The following LEKR1 variants were observed in gnomAD, a reference collection of about 807,000 sequenced individuals.
LEKR1 encodes leucine, glutamate and lysine rich 1.
Under a neutral mutation model 72.4 loss-of-function variants are expected in LEKR1, and 59 were observed. That is an observed-to-expected ratio of 0.82 (90% confidence interval 0.66 to 1.01). The LOEUF is 1.01. Ranked by LOEUF, LEKR1 falls within the 50% of genes least tolerant of loss-of-function variation. LEKR1 has a pLI of 0.00. For missense variants in LEKR1, 728 were observed against 759.2 expected (o/e 0.96, Z 0.48); for synonymous variants, 257 against 263.2 (o/e 0.98, Z 0.23).
intron 6 of LEKR1, among the ~76,000 whole-genome samples, chr3:156,968,068 CA>C (rs1728798008): frequency 6.6e-6 from 1 of 152,200 alleles, no homozygotes; most frequent in South Asian, 2.1e-4. Flanking sequence ...TACAGACAAG[CA>C]AATGCTGAGA....
In LEKR1 at chr3:156,876,692, A is replaced by G. The variant is rs188563842; in HGVS notation, c.263+23710A>G. Among the ~76,000 whole-genome samples, 10 of 152,144 alleles carry G rather than the reference A, an allele frequency of 6.6e-5. No individual in the cohort carries two copies. In the East Asian group the frequency reaches 1.9e-3, roughly 29 times the overall value. ...ATTTTGTATCCTGAAACTTTACTGAACTCATTTATCAGATCCAGGAGCATT... is the reference window on the plus strand; with the variant it reads ...ATTTTGTATCCTGAAACTTTACTGAGCTCATTTATCAGATCCAGGAGCATT... On this transcript the variant is annotated intron_variant, in intron 3 of 12. Coordinates refer to ENST00000356539, the MANE Select transcript of LEKR1 (RefSeq NM_001004316.3).
At chr3:156,941,141 A>G (rs1560096896) in intron 5 of LEKR1, among the ~76,000 whole-genome samples, 1 of 151,652 alleles carries the variant, frequency 6.6e-6, no homozygotes, top group East Asian at 1.9e-4. Context: ...ATTTTGAGGA[A>G]AAAAAAATCC....
At chr3:156,862,225 T>G (rs142541365) in intron 3 of LEKR1, among the ~76,000 whole-genome samples, 16 of 152,222 alleles carry the variant, frequency 1.1e-4, no homozygotes, top group African/African-American at 3.9e-4. Context: ...AGGCATTCTT[T>G]TTCTCCCAAA....
At chr3:156,943,763 C>T (rs778737098) in intron 6 of LEKR1, among the ~76,000 whole-genome samples, 7 of 151,866 alleles carry the variant, frequency 4.6e-5, no homozygotes, top group African/African-American at 9.6e-5. Context: ...ATGATGGGAG[C>T]ATACCACAGA....
chr3:156,929,743 C>A (rs912014904), intron 5 of LEKR1, among the ~76,000 whole-genome samples: 1 of 152,142 alleles, frequency 6.6e-6, no homozygotes, highest in East Asian at 1.9e-4. Flanking sequence ...CTACAATTGT[C>A]AGCTTTCTAT....
At chr3:157,001,616 T>C (rs1732021190) in intron 9 of LEKR1, among the ~76,000 whole-genome samples, 1 of 152,188 alleles carries the variant, frequency 6.6e-6, no homozygotes, top group Non-Finnish European at 1.5e-5. Context: ...TTGTGGCAAC[T>C]CCAAAAATTT....
At chr3:156,965,244 T>C (rs992585249) in intron 6 of LEKR1, among the ~76,000 whole-genome samples, 4 of 152,108 alleles carry the variant, frequency 2.6e-5, no homozygotes, top group Non-Finnish European at 2.9e-5. Flanking sequence ...CAAACTAGAA[T>C]TTAAAAATTC....
chr3:156,879,897 G>C (rs902619078), intron 3 of LEKR1, among the ~76,000 whole-genome samples: 3 of 152,176 alleles, frequency 2.0e-5, no homozygotes, highest in African/African-American at 7.2e-5. Context: ...ATTGAGGTTT[G>C]GGAACCTCTG....
chr3:156,902,965 A>G (rs1020174025), intron 3 of LEKR1, among the ~76,000 whole-genome samples: 1 of 152,072 alleles, frequency 6.6e-6, no homozygotes, highest in African/African-American at 2.4e-5. Context: ...TTAATGACAA[A>G]TATTACATTG....
intron 5 of LEKR1, among the ~76,000 whole-genome samples, chr3:156,935,735 C>T (rs1158377195): frequency 2.0e-5 from 3 of 152,170 alleles, no homozygotes; most frequent in Admixed American, 6.6e-5. Context: ...CCACCAACCA[C>T]ATGGGGCTAT....
chr3:156,963,903 C>T (rs1728334846), intron 6 of LEKR1, among the ~76,000 whole-genome samples: 1 of 152,136 alleles, frequency 6.6e-6, no homozygotes, highest in South Asian at 2.1e-4. Context: ...ATGTATGCTT[C>T]AGAGTGAGCT....
intron 2 of LEKR1, among the ~76,000 whole-genome samples, chr3:156,834,028 T>C (rs1712791646): frequency 6.6e-6 from 1 of 152,070 alleles, no homozygotes; most frequent in Non-Finnish European, 1.5e-5. Flanking sequence ...GTACTATTAA[T>C]GTTAGGCCCA....
At chr3:156,842,952 C>G (rs902221797) in intron 2 of LEKR1, among the ~76,000 whole-genome samples, 1 of 152,156 alleles carries the variant, frequency 6.6e-6, no homozygotes, top group Admixed American at 6.6e-5. Context: ...ACATTTGGCT[C>G]CTTTTTCTAC....
chr3:156,947,434 A>G (rs1179112181), intron 6 of LEKR1, among the ~76,000 whole-genome samples: 2 of 151,158 alleles, frequency 1.3e-5, no homozygotes, highest in African/African-American at 4.8e-5. Context: ...TCCTTTACTT[A>G]CAGTGGGGTT....
At chr3:156,901,748 G>T (rs979968226) in intron 3 of LEKR1, among the ~76,000 whole-genome samples, 1 of 152,130 alleles carries the variant, frequency 6.6e-6, no homozygotes. Context: ...GTGCAGTGAC[G>T]TGGTCTCAGC....
chr3:156,854,799 C>T (rs1715847479), intron 3 of LEKR1, among the ~76,000 whole-genome samples: 1 of 152,016 alleles, frequency 6.6e-6, no homozygotes, highest in Admixed American at 6.6e-5. Context: ...AGTAATCTGC[C>T]TGCCTTGGCC....
At chr3:156,879,570 A>G (rs191488133) in intron 3 of LEKR1, among the ~76,000 whole-genome samples, 2 of 152,368 alleles carry the variant, frequency 1.3e-5, no homozygotes, top group East Asian at 3.9e-4. Flanking sequence ...AGCTACATAA[A>G]TTTGTATAAG....
intron 12 of LEKR1, 133 bp from the exon 13 acceptor site, chr3:157,045,207 T>A: frequency 3.0e-6 from 2 of 665,430 alleles, no homozygotes; most frequent in Non-Finnish European, 5.1e-6. Flanking sequence ...TCCCATGAGG[T>A]AGAGTGTCAT....
intron 12 of LEKR1, among the ~76,000 whole-genome samples, chr3:157,033,882 T>C (rs1425896657): frequency 1.3e-5 from 2 of 152,168 alleles, no homozygotes; most frequent in African/African-American, 4.8e-5. Flanking sequence ...GACTTTAAGT[T>C]GAAGCCAATG....
Sources: gnomAD v4.1 joint callset for allele counts (sites outside exome capture counted in the v4.1 genomes callset) on GRCh38, gnomAD v4.1.1 for gene constraint, MANE v1.5 for transcripts, NCBI Gene and HGNC (gene_info 2026-07-23, HGNC 2026-07-21) for gene names.